MARCHF5: variants seen among roughly 807,000 people sequenced by gnomAD.
MARCHF5 encodes membrane associated ring-CH-type finger 5.
Under a neutral mutation model 36.5 loss-of-function variants are expected in MARCHF5, and 5 were observed. That is an observed-to-expected ratio of 0.14 (90% CI 0.07 to 0.29). The LOEUF (loss-of-function observed/expected upper bound fraction) is 0.29. MARCHF5 is among the 10% of genes least tolerant of loss of function. The pLI is 1.00. For synonymous variants in MARCHF5, 103 were observed against 109.9 expected (o/e 0.94, Z 0.39); for missense variants, 179 against 336.3 (o/e 0.53, Z 3.66).
chr10:92,333,516 A>G lies in MARCHF5; in HGVS notation c.239-7157A>G, dbSNP rs1843465162. The G allele has an allele frequency of 2.5e-5, 8 of 314,160 alleles. No homozygotes were observed. In the South Asian group the frequency reaches 7.5e-4, roughly 29 times the overall value. The allele number at this position is 314,160 out of a possible 1,614,324, so 19.5% of individuals were successfully genotyped here. On this transcript the variant is annotated intron_variant, in intron 2 of 5. Coordinates refer to ENST00000358935, the MANE Select transcript of MARCHF5 (RefSeq NM_017824.5). The stretch of plus-strand genomic sequence containing the variant: ...ACAGACATGGCCCTTGCCCCCTGGG[A>G]GTTTTCAGTCTAAGATGATGCTGAC...
intron 2 of MARCHF5, among the ~76,000 whole-genome samples, chr10:92,315,425 T>C (rs576758076): frequency 6.6e-6 from 1 of 152,372 alleles, no homozygotes; most frequent in South Asian, 2.1e-4. Context: ...GAATCTGTTT[T>C]GTTAAAAGAA....
At chr10:92,329,441 C>A (rs1012055678) in intron 2 of MARCHF5, among the ~76,000 whole-genome samples, 1 of 152,182 alleles carries the variant, frequency 6.6e-6, no homozygotes, top group African/African-American at 2.4e-5. Flanking sequence ...CTTAAAACTT[C>A]ATGGCTTCAA....
At chr10:92,321,485 G>A (rs966711299) in intron 2 of MARCHF5, among the ~76,000 whole-genome samples, 9 of 152,174 alleles carry the variant, frequency 5.9e-5, no homozygotes, top group Admixed American at 4.6e-4. Context: ...ACTTTGTTGG[G>A]AACTTTTGTG....
intron 1 of MARCHF5, among the ~76,000 whole-genome samples, chr10:92,294,874 C>T (rs1842929927): frequency 6.6e-6 from 1 of 152,024 alleles, no homozygotes; most frequent in Non-Finnish European, 1.5e-5. Context: ...TCAGTCTTTA[C>T]AAAAATGTTA....
At chr10:92,348,284 T>C (rs1415536029) in intron 3 of MARCHF5, among the ~76,000 whole-genome samples, 2 of 151,354 alleles carry the variant, frequency 1.3e-5, no homozygotes, top group East Asian at 3.9e-4. Flanking sequence ...AGGTCAGGAG[T>C]TCGAGACCAA....
At position 92,351,037 on chromosome 10, in the gene MARCHF5, A is replaced by C; in HGVS notation, c.721-54A>C. The C allele has an allele frequency of 8.5e-6, 8 of 935,904 alleles. No homozygotes were observed. In the South Asian group the frequency reaches 1.1e-4, roughly 13 times the overall value. The allele number at this position is 935,904 out of a possible 1,614,324, so 58.0% of individuals were successfully genotyped here. On this transcript the variant is annotated intron_variant, in intron 5 of 5. Transcript: ENST00000358935. ...TGATCTAAATAAAATTATTTTTATT[A>C]CTCTGTTTCTCTAAATCTGCATTAT...
At chr10:92,345,676 GT>G (rs1158428216) in intron 3 of MARCHF5, among the ~76,000 whole-genome samples, 3 of 140,456 alleles carry the variant, frequency 2.1e-5, no homozygotes, top group Non-Finnish European at 4.7e-5. Flanking sequence ...TAGGTCTTTT[GT>G]TTTTCTCTTT....
In MARCHF5 at chr10:92,351,105, T is replaced by C. The variant is rs529998360; in HGVS notation, c.735T>C (p.Phe245=). ...TTTTATTTTAGGGTGGAATTGCGTTTGTTGCCATAAAAGGAGCATTTAAAG... is the reference window on the plus strand; with the variant it reads ...TTTTATTTTAGGGTGGAATTGCGTTCGTTGCCATAAAAGGAGCATTTAAAG... ...LQRTILGGIA[F]VAIKGAFKVY... Residue 245 remains phenylalanine, a synonymous_variant, in exon 6 of 6, where the codon TTT becomes TTC. Transcript: ENST00000358935. 33 of 1,607,478 alleles carry C rather than the reference T, an allele frequency of 2.1e-5. No homozygotes were observed. The South Asian group carries it at 3.0e-4, about 15-fold the overall frequency.
chr10:92,327,509 A>G (rs1225122022), intron 2 of MARCHF5, among the ~76,000 whole-genome samples: 1 of 152,224 alleles, frequency 6.6e-6, no homozygotes, highest in Non-Finnish European at 1.5e-5. Context: ...GTGTGCAAAT[A>G]CATCTGTAAG....
intron 2 of MARCHF5, 135 bp from the exon 3 acceptor site, chr10:92,340,538 C>T (rs1025239446): frequency 2.5e-6 from 2 of 786,786 alleles, no homozygotes; most frequent in East Asian, 2.7e-5. Flanking sequence ...TGCCACTGCA[C>T]TATAATCTGG....
At chr10:92,318,412 G>A (rs1843241014) in intron 2 of MARCHF5, among the ~76,000 whole-genome samples, 1 of 128,012 alleles carries the variant, frequency 7.8e-6, no homozygotes, top group South Asian at 2.4e-4. Context: ...GGCAACTGGA[G>A]TGAGACCCTG....
rs1341125669 is a variant in MARCHF5, at chr10:92,347,499, TA to T, written c.370-1849del. Among the ~76,000 whole-genome samples, 353 of 88,396 alleles carry T rather than the reference TA, an allele frequency of 4.0e-3. 10 individuals carry two copies. The highest frequency in any genetic ancestry group is 0.026 in the East Asian group (92 of 3,534). The allele number at this position is 88,396 out of a possible 152,430, so 58.0% of individuals were successfully genotyped here. On this transcript the variant is annotated intron_variant, in intron 3 of 5. Coordinates refer to ENST00000358935, the MANE Select transcript of MARCHF5 (RefSeq NM_017824.5). Reference sequence around the variant, plus strand: ...ATAGATAGATAGATAGATAGATAGATAGATAGATAGATAGATAGATAGATGA... The same window carrying T: ...ATAGATAGATAGATAGATAGATAGATGATAGATAGATAGATAGATAGATGA...
At chr10:92,297,498 TTTTTTTTTGAGACAG>T (rs1411690524) in intron 1 of MARCHF5, among the ~76,000 whole-genome samples, 1 of 148,106 alleles carries the variant, frequency 6.8e-6, no homozygotes, top group African/African-American at 2.5e-5. Flanking sequence ...TTTTTTTTTT[TTTTTTTTTGAGACAG>T]AGTCTCACCC....
intron 3 of MARCHF5, among the ~76,000 whole-genome samples, chr10:92,345,870 T>C (rs760354236): frequency 5.3e-5 from 8 of 151,932 alleles, no homozygotes; most frequent in African/African-American, 1.2e-4. Context: ...AATTTTTGTA[T>C]TTTTTGTAGA....
rs188619757 is a variant in MARCHF5, at chr10:92,309,118, G to A, written c.36-2017G>A. 5.5e-4 allele frequency among the ~76,000 whole-genome samples: 84 copies of A among 152,302 alleles called. 1 individual carries two copies. Among genetic ancestry groups the A allele is most frequent in the Admixed American group, 5.0e-3 (76 of 15,298 alleles). ...CAGCAAAAAATAAGAATAATGAATG[G>A]ATGTGTGAGAAAGCAAATATAGCAG... On this transcript the variant is annotated intron_variant, in intron 1 of 5. Coordinates refer to ENST00000358935, the MANE Select transcript of MARCHF5 (RefSeq NM_017824.5).
chr10:92,297,650 C>G (rs1842963225), intron 1 of MARCHF5, among the ~76,000 whole-genome samples: 1 of 151,808 alleles, frequency 6.6e-6, no homozygotes, highest in African/African-American at 2.4e-5. Flanking sequence ...TGCCACCACA[C>G]CCAGCTAATT....
chr10:92,316,997 T>G (rs187819304), intron 2 of MARCHF5, among the ~76,000 whole-genome samples: 7 of 152,344 alleles, frequency 4.6e-5, no homozygotes, highest in Non-Finnish European at 1.0e-4. Context: ...CCATAAACTT[T>G]GAGACCTGGT....
chr10:92,352,301 AAAC>A lies in MARCHF5; in HGVS notation c.*1097_*1099del, dbSNP rs1340613545. On this transcript the variant is annotated 3_prime_UTR_variant, in exon 6 of 6. Transcript: ENST00000358935. ...TATATTAATGAGGAGAAAAGTATGA[AAAC>A]AAGAAGTCTTAAGTAAATATTGAGG... 1 of 152,200 alleles carries A rather than the reference AAAC, an allele frequency of 6.6e-6. No homozygotes were observed. The highest frequency in any genetic ancestry group is 1.5e-5 in the Non-Finnish European group (1 of 68,028). The allele number at this position is 152,200 out of a possible 1,614,324, so 9.4% of individuals were successfully genotyped here. A position where few individuals can be genotyped will look rare whatever the true frequency, so the allele number is the denominator to read the frequency against.
intron 2 of MARCHF5, among the ~76,000 whole-genome samples, chr10:92,338,335 C>G (rs1843529972): frequency 6.6e-6 from 1 of 152,194 alleles, no homozygotes; most frequent in Admixed American, 6.5e-5. Context: ...GAGTTATAAA[C>G]TTAACCCAGC....
Sources: allele counts gnomAD v4.1 joint callset (sites outside exome capture counted in the v4.1 genomes callset), GRCh38; gene constraint gnomAD v4.1.1; transcripts MANE v1.5; gene names NCBI Gene and HGNC (gene_info 2026-07-23, HGNC 2026-07-21).